Variants in ANO2 observed in about 807,000 individuals in gnomAD.
ANO2 encodes the protein anoctamin-2.
Under a neutral mutation model 124.2 loss-of-function variants are expected in ANO2, and 101 were observed. That is an observed-to-expected ratio of 0.81 (90% CI 0.69 to 0.96). The LOEUF is 0.96. ANO2 is among the 40% of genes least tolerant of loss of function. ANO2 has a pLI of 0.00. For synonymous variants in ANO2, 486 were observed against 482.5 expected (o/e 1.01, Z -0.09); for missense variants, 1,293 against 1,274.5 (o/e 1.01, Z -0.22).
chr12:5,825,159 T>C (rs1377303288), intron 7 of ANO2, among the ~76,000 whole-genome samples: 2 of 152,190 alleles, frequency 1.3e-5, no homozygotes, highest in Non-Finnish European at 2.9e-5. Flanking sequence ...GCACTCACTT[T>C]ACAGCTAAAG....
In ANO2 at chr12:5,628,060, G is replaced by A. The variant is rs935609805; in HGVS notation, c.1816+7092C>T. On this transcript the variant is annotated intron_variant, in intron 16 of 24. Coordinates refer to ENST00000682330, the MANE Select transcript of ANO2 (RefSeq NM_001364791.2). ...GGCTGTTGTGAGTTATGACCATGCC[G>A]CTGCACCCCAGTCGGGGCAACAGAG... is the stretch of plus-strand genomic sequence containing the variant. Among the ~76,000 whole-genome samples, 7 of 152,184 alleles carry A rather than the reference G, an allele frequency of 4.6e-5. No homozygotes were observed. The East Asian group carries it at 5.8e-4, about 13-fold the overall frequency.
chr12:5,760,321 C>A, intron 10 of ANO2, among the ~76,000 whole-genome samples: 1 of 152,018 alleles, frequency 6.6e-6, no homozygotes, highest in East Asian at 1.9e-4. Context: ...TGCAATCTAC[C>A]AAGGAGCAAT....
In ANO2 at chr12:5,622,541, T is replaced by C. The variant is rs185804350; in HGVS notation, c.1817-7244A>G. On this transcript the variant is annotated intron_variant, in intron 16 of 24. Transcript: ENST00000682330. ...GGGAAAGGGGCCTCAGGGAAGCACCTCCCAGTGAGGGAACAAATGAAGGTT... is the reference window on the plus strand; with the variant it reads ...GGGAAAGGGGCCTCAGGGAAGCACCCCCCAGTGAGGGAACAAATGAAGGTT... Among the ~76,000 whole-genome samples the C allele has an allele frequency of 3.9e-5, 6 of 152,230 alleles. No individual in the cohort carries two copies. The East Asian group carries it at 1.2e-3, about 29-fold the overall frequency.
intron 12 of ANO2, 134 bp from the exon 13 acceptor site, chr12:5,739,533 T>C (rs1951010432): frequency 3.0e-6 from 2 of 671,144 alleles, no homozygotes; most frequent in Non-Finnish European, 5.0e-6. Context: ...TTTAGCCTCT[T>C]TTTCCCACTT....
intron 3 of ANO2, among the ~76,000 whole-genome samples, chr12:5,913,775 T>A (rs1304599562): frequency 6.6e-6 from 1 of 152,170 alleles, no homozygotes; most frequent in Non-Finnish European, 1.5e-5. Context: ...AAACCACACG[T>A]GATGAGGCTC....
chr12:5,930,906 C>T (rs1389269512), intron 1 of ANO2, among the ~76,000 whole-genome samples: 1 of 152,128 alleles, frequency 6.6e-6, no homozygotes, highest in Admixed American at 6.5e-5. Context: ...CTGGGCTCTG[C>T]TTGTCTTATA....
At chr12:5,574,848 C>T (rs1291720826) in intron 23 of ANO2, among the ~76,000 whole-genome samples, 4 of 152,192 alleles carry the variant, frequency 2.6e-5, no homozygotes, top group African/African-American at 4.8e-5. Flanking sequence ...TTCTAATTCC[C>T]GTTAGATTTC....
intron 3 of ANO2, among the ~76,000 whole-genome samples, chr12:5,873,778 G>T (rs1382439341): frequency 2.6e-5 from 4 of 152,238 alleles, no homozygotes; most frequent in Non-Finnish European, 5.9e-5. Flanking sequence ...TTGTGCAGGG[G>T]TGGTGAAGTG....
intron 1 of ANO2, among the ~76,000 whole-genome samples, chr12:5,923,671 TC>T (rs1941945180): frequency 6.6e-6 from 1 of 152,074 alleles, no homozygotes; most frequent in Non-Finnish European, 1.5e-5. Context: ...TTCCAGTGTC[TC>T]CCCTGAAGGG....
At position 5,832,542 on chromosome 12, in the gene ANO2, A is replaced by G. The variant is rs1305187677; in HGVS notation, c.695T>C (p.Leu232Pro). The change falls in exon 5 of 25, where the codon CTG becomes CCG. Residue 232 changes from leucine to proline, a missense_variant. Leu to Pro is a moderately conservative substitution (Grantham distance 98). Coordinates refer to ENST00000682330, the MANE Select transcript of ANO2 (RefSeq NM_001364791.2). ...AKKFSAALQKLSSHLQPRVPE... is the reference protein window; with the variant it reads ...AKKFSAALQKPSSHLQPRVPE... Reference sequence around the variant, plus strand: ...AACTCGGGGCTGCAGGTGCGAGCTCAGCTTCTGCAGAGCCGCGCTGAACTT... The same window carrying G: ...AACTCGGGGCTGCAGGTGCGAGCTCGGCTTCTGCAGAGCCGCGCTGAACTT... The G allele has an allele frequency of 1.2e-6, 2 of 1,613,808 alleles. No homozygotes were observed. Among genetic ancestry groups the G allele is most frequent in the African/African-American group, 1.3e-5 (1 of 74,906 alleles).
chr12:5,630,868 T>C (rs1945684467), intron 16 of ANO2, among the ~76,000 whole-genome samples: 1 of 152,200 alleles, frequency 6.6e-6, no homozygotes, highest in Non-Finnish European at 1.5e-5. Context: ...TTCCAAGTTC[T>C]TCATAATTAG....
chr12:5,626,107 C>T, intron 16 of ANO2, among the ~76,000 whole-genome samples: 1 of 152,146 alleles, frequency 6.6e-6, no homozygotes, highest in South Asian at 2.1e-4. Flanking sequence ...CCCTACAGAG[C>T]TCTCTTAGAA....
intron 10 of ANO2, among the ~76,000 whole-genome samples, chr12:5,752,860 C>A (rs1394135748): frequency 6.6e-6 from 1 of 152,098 alleles, no homozygotes; most frequent in Non-Finnish European, 1.5e-5. Flanking sequence ...ACATTTAAGT[C>A]TTTAATCCAT....
intron 3 of ANO2, among the ~76,000 whole-genome samples, chr12:5,876,759 A>G (rs995801398): frequency 2.0e-5 from 3 of 152,194 alleles, no homozygotes; most frequent in Admixed American, 6.5e-5. Context: ...GTTCTCACTC[A>G]TAAGTGGGAG....
chr12:5,768,401 G>C (rs946277541), intron 10 of ANO2, among the ~76,000 whole-genome samples: 2 of 152,150 alleles, frequency 1.3e-5, no homozygotes, highest in East Asian at 1.9e-4. Context: ...CCTTTCCCTA[G>C]GGGCAAAAGG....
At chr12:5,890,974 G>C (rs1939351657) in intron 3 of ANO2, among the ~76,000 whole-genome samples, 1 of 152,198 alleles carries the variant, frequency 6.6e-6, no homozygotes, top group Admixed American at 6.5e-5. Flanking sequence ...ACTTCATTGA[G>C]TTTGCCTTTT....
At chr12:5,820,028 A>T (rs1953733748) in intron 7 of ANO2, among the ~76,000 whole-genome samples, 1 of 152,232 alleles carries the variant, frequency 6.6e-6, no homozygotes, top group Non-Finnish European at 1.5e-5. Flanking sequence ...AATTTATATA[A>T]GCAGAAAACT....
chr12:5,927,877 G>T (rs1325162458), intron 1 of ANO2, among the ~76,000 whole-genome samples: 3 of 152,164 alleles, frequency 2.0e-5, no homozygotes, highest in Non-Finnish European at 2.9e-5. Context: ...CAAGGTCACT[G>T]CATAGGCCGA....
intron 10 of ANO2, among the ~76,000 whole-genome samples, chr12:5,757,481 T>C (rs1951614855): frequency 6.6e-6 from 1 of 152,190 alleles, no homozygotes; most frequent in Non-Finnish European, 1.5e-5. Context: ...ATATTTAATT[T>C]CCCAAAAGCC....
Sources: allele counts gnomAD v4.1 joint callset (sites outside exome capture counted in the v4.1 genomes callset), GRCh38; gene constraint gnomAD v4.1.1; transcripts MANE v1.5; gene names NCBI Gene and HGNC (gene_info 2026-07-23, HGNC 2026-07-21).